Variants in CACNA1C observed in about 807,000 individuals in gnomAD.
CACNA1C encodes calcium voltage-gated channel subunit alpha1 C.
Under a neutral mutation model 229.0 loss-of-function variants are expected in CACNA1C, and 30 were observed. The ratio of observed to expected loss-of-function variants is 0.13; its 90% CI spans 0.10 to 0.18. The LOEUF is 0.18. Among genes scored for constraint, CACNA1C ranks in the 10% least tolerant of loss-of-function variants. The pLI, the probability that CACNA1C is intolerant of heterozygous loss-of-function variation, is 1.00. For synonymous variants in CACNA1C, 1,114 were observed against 1,132.5 expected (o/e 0.98, Z 0.33); for missense variants, 1,658 against 2,845.0 (o/e 0.58, Z 9.49).
chr12:2,493,823 A>T lies in CACNA1C; in HGVS notation c.1113+437A>T, dbSNP rs1014949086. On this transcript the variant is annotated intron_variant, in intron 7 of 46. Coordinates refer to ENST00000399655, the MANE Select transcript of CACNA1C (RefSeq NM_000719.7). This position sits in a 1 kb window ranked among gnomAD's most constrained non-coding sequence, Gnocchi z 4.6. Reference sequence around the variant, plus strand: ...AGAGAAGAAGTCCTGATCTTCTAAAAAGAAGTTATATAAAGAAACCATTTT... The same window carrying T: ...AGAGAAGAAGTCCTGATCTTCTAAATAGAAGTTATATAAAGAAACCATTTT... Among the ~76,000 whole-genome samples, 1 of 152,220 alleles carries T rather than the reference A, an allele frequency of 6.6e-6. No homozygotes were observed. The highest frequency in any genetic ancestry group is 1.5e-5 in the Non-Finnish European group (1 of 68,034).
At chr12:2,563,831 A>C (rs1169704008) in intron 11 of CACNA1C, among the ~76,000 whole-genome samples, 2 of 152,256 alleles carry the variant, frequency 1.3e-5, no homozygotes, top group Non-Finnish European at 2.9e-5. Flanking sequence ...GGCTGAGGGC[A>C]GTGCACACAG....
intron 3 of CACNA1C, among the ~76,000 whole-genome samples, chr12:2,132,404 C>A (rs1218113975): frequency 7.4e-5 from 1 of 13,424 alleles, no homozygotes; most frequent in Non-Finnish European, 1.3e-4. Flanking sequence ...GGAATGCTTC[C>A]AGTTTTTGCC....
intron 3 of CACNA1C, among the ~76,000 whole-genome samples, chr12:2,126,702 T>G (rs1412695964): frequency 6.6e-6 from 1 of 152,190 alleles, no homozygotes; most frequent in African/African-American, 2.4e-5. Flanking sequence ...TGAGCTAGAC[T>G]AGGAAGAAGG....
At chr12:2,256,737 T>C (rs4765910) in intron 3 of CACNA1C, among the ~76,000 whole-genome samples, 138,340 of 151,972 alleles carry the variant, frequency 0.91, 63,213 homozygotes, top group East Asian at 1. Context: ...AATGATCAGT[T>C]GTAAACTCCT....
Position 2,512,759 on chromosome 12 carries a change from G to A in CACNA1C, c.1218-53G>A. The A allele has an allele frequency of 7.3e-7, 1 of 1,377,312 alleles. No homozygotes were observed. The highest frequency in any genetic ancestry group is 9.9e-7 in the Non-Finnish European group (1 of 1,010,386). 85.3% of individuals were successfully genotyped at this position (1,377,312 alleles called of 1,614,324 possible). ...CCTTCCATCCTCGACCCTTCTCGGT[G>A]CTCCCTCCTTCTCTGTGCTCTCCTG... On this transcript the variant is annotated intron_variant, in intron 8 of 46. Transcript: ENST00000399655. The surrounding 1 kb of genome is among the most constrained non-coding windows in gnomAD (Gnocchi z 4.3).
At chr12:2,518,937 G>T (rs1323878040) in intron 9 of CACNA1C, among the ~76,000 whole-genome samples, 1 of 152,184 alleles carries the variant, frequency 6.6e-6, no homozygotes, top group Non-Finnish European at 1.5e-5. Flanking sequence ...GAGAGATCAG[G>T]TGAGGAAACT....
Position 2,581,633 on chromosome 12 carries a change from T to G in CACNA1C, c.1939T>G (p.Ser647Ala), listed in dbSNP as rs747715510. The change falls in exon 14 of 47, where the codon TCT becomes GCT. Residue 647 changes from serine to alanine, a missense_variant. Physicochemically the swap from Ser to Ala is moderately conservative, Grantham distance 99. Coordinates refer to ENST00000399655, the MANE Select transcript of CACNA1C (RefSeq NM_000719.7). Reference protein sequence around the residue: ...LSNLVASLLNSVRSIASLLLL... With the variant: ...LSNLVASLLNAVRSIASLLLL... The stretch of plus-strand genomic sequence containing the variant: ...CAACCTGGTGGCATCCTTGCTGAAC[T>G]CTGTGCGCTCCATCGCCTCCCTGCT... The G allele has an allele frequency of 6.3e-7, 1 of 1,587,754 alleles. No individual in the cohort carries two copies. Among genetic ancestry groups the G allele is most frequent in the Non-Finnish European group, 8.6e-7 (1 of 1,166,228 alleles).
At chr12:2,584,054 G>A (rs188383224) in intron 15 of CACNA1C, among the ~76,000 whole-genome samples, 2 of 152,210 alleles carry the variant, frequency 1.3e-5, no homozygotes, top group Admixed American at 6.5e-5. Context: ...AAGGGTCTTC[G>A]TGGGTGCAGG....
chr12:2,005,761 C>T (rs138002803), intron 1 of CACNA1C, among the ~76,000 whole-genome samples: 23 of 152,318 alleles, frequency 1.5e-4, no homozygotes, highest in African/African-American at 5.3e-4. Flanking sequence ...CATAATCATG[C>T]ACAGGCAAAA....
intron 1 of CACNA1C, among the ~76,000 whole-genome samples, chr12:2,097,728 G>A (rs2074817361): frequency 6.6e-6 from 1 of 152,188 alleles, no homozygotes; most frequent in African/African-American, 2.4e-5. Flanking sequence ...CAGGTAGATT[G>A]GAGGCAGCCG....
At chr12:2,347,984 T>C (rs1169913733) in intron 3 of CACNA1C, among the ~76,000 whole-genome samples, 2 of 152,238 alleles carry the variant, frequency 1.3e-5, no homozygotes, top group South Asian at 2.1e-4. Flanking sequence ...CTCACCGGAC[T>C]GTTGGAAACA....
chr12:2,611,384 G>A (rs571272578), intron 28 of CACNA1C, among the ~76,000 whole-genome samples: 3 of 149,252 alleles, frequency 2.0e-5, no homozygotes, highest in Admixed American at 1.3e-4. Flanking sequence ...ATGGAGGAGG[G>A]AGGGATGAGC....
At chr12:2,003,012 C>T (rs540111795) in intron 1 of CACNA1C, among the ~76,000 whole-genome samples, 10 of 152,218 alleles carry the variant, frequency 6.6e-5, no homozygotes, top group African/African-American at 2.2e-4. Context: ...TACAGAAGAA[C>T]GAATATTAAA....
At chr12:2,277,967 C>T (rs1047742722) in intron 3 of CACNA1C, among the ~76,000 whole-genome samples, 3 of 152,244 alleles carry the variant, frequency 2.0e-5, no homozygotes, top group East Asian at 3.8e-4. Context: ...CATGGCACAC[C>T]ACTCTTAGCA....
intron 15 of CACNA1C, among the ~76,000 whole-genome samples, chr12:2,583,265 C>G (rs1276101840): frequency 6.6e-6 from 1 of 152,242 alleles, no homozygotes; most frequent in Non-Finnish European, 1.5e-5. Flanking sequence ...CGGGAGCGGG[C>G]CGGCTGCCCT....
At chr12:2,592,920 A>T (rs1765062876) in intron 18 of CACNA1C, among the ~76,000 whole-genome samples, 1 of 151,792 alleles carries the variant, frequency 6.6e-6, no homozygotes, top group Non-Finnish European at 1.5e-5. Flanking sequence ...ATGACCAACG[A>T]CCCCAGTTTG....
intron 3 of CACNA1C, among the ~76,000 whole-genome samples, chr12:2,292,655 T>C (rs1457506019): frequency 6.6e-6 from 1 of 152,176 alleles, no homozygotes; most frequent in African/African-American, 2.4e-5. Flanking sequence ...ACTGAAGGGA[T>C]GTGCAGAGGT....
chr12:2,304,423 A>G (rs1421897131), intron 3 of CACNA1C, among the ~76,000 whole-genome samples: 1 of 152,048 alleles, frequency 6.6e-6, no homozygotes, highest in East Asian at 1.9e-4. Context: ...CTGATATCCA[A>G]CCCGGCACCG....
At chr12:2,652,183 C>G (rs1394738962) in intron 32 of CACNA1C, among the ~76,000 whole-genome samples, 1 of 152,180 alleles carries the variant, frequency 6.6e-6, no homozygotes, top group South Asian at 2.1e-4. Flanking sequence ...TGGCCATCGC[C>G]CTCCTCCCCG....
Sources: gnomAD v4.1 joint callset for allele counts (sites outside exome capture counted in the v4.1 genomes callset) on GRCh38, gnomAD v4.1.1 for gene constraint, Gnocchi (gnomAD v3.1) non-coding constraint, MANE v1.5 for transcripts, NCBI Gene and HGNC (gene_info 2026-07-23, HGNC 2026-07-21) for gene names.